The following RTF1 variants were observed in gnomAD, a reference collection of about 807,000 sequenced individuals.
RTF1 encodes the protein RNA polymerase-associated protein RTF1 homolog.
RTF1 carries 10 observed loss-of-function variants against 95.7 expected under a neutral mutation model. That is an observed-to-expected ratio of 0.10 (90% CI 0.06 to 0.18). The LOEUF is 0.18. Among genes scored for constraint, RTF1 ranks in the 10% least tolerant of loss-of-function variants. RTF1 has a pLI of 1.00. For synonymous variants in RTF1, 305 were observed against 311.8 expected (o/e 0.98, Z 0.23); for missense variants, 458 against 875.6 (o/e 0.52, Z 6.02).
chr15:41,474,108 T>C (rs1215244143), intron 8 of RTF1, among the ~76,000 whole-genome samples: 2 of 152,070 alleles, frequency 1.3e-5, no homozygotes, highest in Non-Finnish European at 2.9e-5. Context: ...AATTCCTGGC[T>C]TCAAGTAATC....
chr15:41,475,939 A>G, intron 11 of RTF1, 120 bp downstream of exon 11: 1 of 602,510 alleles, frequency 1.7e-6, no homozygotes, highest in Non-Finnish European at 2.9e-6. Flanking sequence ...ATGAGGGAAT[A>G]CTAATATTAC....
rs2050947672 is a variant in RTF1, at chr15:41,477,470, G to A, written c.1695G>A (p.Gln565=). 6.2e-7 allele frequency: 1 copy of A among 1,614,218 alleles called. No individual in the cohort carries two copies. Among genetic ancestry groups the A allele is most frequent in the Non-Finnish European group, 8.5e-7 (1 of 1,180,048 alleles). Residue 565 remains glutamine (Q), a synonymous_variant, in exon 14 of 18, where the codon CAG becomes CAA. Transcript: ENST00000389629. ...KNISAISYIN[Q]RNREWNIVES... is the part of the protein sequence containing the mutation. Reference sequence around the variant, plus strand: ...TCTTACCCCACAGTTACATCAACCAGCGGAACCGGGAGTGGAACATTGTAG... The same window carrying A: ...TCTTACCCCACAGTTACATCAACCAACGGAACCGGGAGTGGAACATTGTAG...
chr15:41,478,239 A>G (rs966311070), intron 14 of RTF1, among the ~76,000 whole-genome samples: 2 of 152,066 alleles, frequency 1.3e-5, no homozygotes, highest in Non-Finnish European at 2.9e-5. Context: ...TGTCTCTACT[A>G]AAAATACAAA....
At chr15:41,434,136 C>A (rs767366407) in intron 1 of RTF1, among the ~76,000 whole-genome samples, 2 of 147,574 alleles carry the variant, frequency 1.4e-5, no homozygotes, top group East Asian at 3.9e-4. Flanking sequence ...TGAGCCACCA[C>A]GCCTGGCCTT....
intron 2 of RTF1, chr15:41,448,685 CT>C (rs1198756013): frequency 6.6e-6 from 1 of 151,972 alleles, no homozygotes; most frequent in East Asian, 1.9e-4. Context: ...CGCCACTGCA[CT>C]CCAGCTTGGG....
chr15:41,477,591 G>A (rs1566850297), intron 14 of RTF1, 76 bp downstream of exon 14: 1 of 1,389,214 alleles, frequency 7.2e-7, no homozygotes, highest in Non-Finnish European at 1.0e-6. Flanking sequence ...TCTTGCCTAA[G>A]TTTATTTTTT....
intron 1 of RTF1, among the ~76,000 whole-genome samples, chr15:41,418,040 C>CAG (rs2050580748): frequency 6.6e-6 from 1 of 152,182 alleles, no homozygotes; most frequent in Admixed American, 6.5e-5. Context: ...TTGGCCCTTT[C>CAG]ACGCAGCATC....
rs2050754287 is a variant in RTF1 at position 41,445,087 on chromosome 15, A to G, written c.309+6656A>G. The stretch of plus-strand genomic sequence containing the variant: ...GCTGGGACTACAGGCGCCCACCACC[A>G]ATGCCCAGCTAATTTTTTTTTGTAT... On this transcript the variant is annotated intron_variant, in intron 2 of 17. Coordinates refer to ENST00000389629, the MANE Select transcript of RTF1 (RefSeq NM_015138.5). Among the ~76,000 whole-genome samples, 3 of 151,762 alleles carry G rather than the reference A, an allele frequency of 2.0e-5. No individual in the cohort carries two copies. The South Asian group carries it at 6.3e-4, about 32-fold the overall frequency.
intron 2 of RTF1, among the ~76,000 whole-genome samples, chr15:41,448,172 G>C (rs980277753): frequency 6.6e-6 from 1 of 152,078 alleles, no homozygotes; most frequent in East Asian, 1.9e-4. Context: ...AGACAAAAAA[G>C]CATTCAGGAA....
At chr15:41,449,858 A>G (rs2050781536) in intron 2 of RTF1, among the ~76,000 whole-genome samples, 1 of 152,044 alleles carries the variant, frequency 6.6e-6, no homozygotes, top group South Asian at 2.1e-4. Flanking sequence ...GCCTAATATA[A>G]TGAACATTTA....
intron 2 of RTF1, among the ~76,000 whole-genome samples, chr15:41,446,110 T>C (rs915845740): frequency 6.6e-5 from 10 of 152,258 alleles, no homozygotes; most frequent in African/African-American, 2.4e-4. Flanking sequence ...CAAACACATC[T>C]TTTTTGTGGC....
intron 2 of RTF1, among the ~76,000 whole-genome samples, chr15:41,446,562 A>C (rs1362952238): frequency 2.2e-5 from 3 of 134,720 alleles, no homozygotes; most frequent in Non-Finnish European, 4.9e-5. Context: ...CGTCTCAAAA[A>C]AAAAAAATTA....
intron 1 of RTF1, among the ~76,000 whole-genome samples, chr15:41,430,754 A>C (rs1230282479): frequency 2.6e-5 from 4 of 151,952 alleles, no homozygotes; most frequent in Non-Finnish European, 4.4e-5. Context: ...AAACAAACAA[A>C]AAGAATATAA....
chr15:41,464,802 A>AAAAAGAAAG lies in RTF1; in HGVS notation c.711_719dup (p.Glu238_Lys240dup). 1 of 1,573,670 alleles carries AAAAAGAAAG rather than the reference A, an allele frequency of 6.4e-7. No homozygotes were observed. The highest frequency in any genetic ancestry group is 8.6e-7 in the Non-Finnish European group (1 of 1,162,520). On this transcript the variant is annotated inframe_insertion, in exon 5 of 18. Transcript: ENST00000389629. ...AATCAAGAAAAAACTAAAAACAGCC[A>AAAAAGAAAG]AAAAGAAAGAAAAGAAAGAAAAGAA...
rs947565739 is a variant in RTF1, at chr15:41,468,379, G to A, written c.890-1878G>A. On this transcript the variant is annotated intron_variant, in intron 6 of 17. Coordinates refer to ENST00000389629, the MANE Select transcript of RTF1 (RefSeq NM_015138.5). ...GTCGCCCAGGTTGGAGTGCAGTGGC[G>A]CGATCTCGGCTCACTGCAAGCTCCG... Among the ~76,000 whole-genome samples the A allele has an allele frequency of 8.6e-5, 13 of 151,780 alleles. No individual in the cohort carries two copies. The East Asian group carries it at 2.3e-3, about 27-fold the overall frequency.
At chr15:41,466,583 A>G (rs550887788) in intron 6 of RTF1, among the ~76,000 whole-genome samples, 3 of 152,350 alleles carry the variant, frequency 2.0e-5, no homozygotes, top group Admixed American at 6.5e-5. Context: ...AGAAATAACA[A>G]TGAACTCTTT....
chr15:41,437,361 C>T (rs1317916361), intron 1 of RTF1, among the ~76,000 whole-genome samples: 9 of 150,048 alleles, frequency 6.0e-5, no homozygotes, highest in African/African-American at 2.0e-4. Context: ...ATTAGCCGGG[C>T]GTGGTGGTGG....
intron 1 of RTF1, among the ~76,000 whole-genome samples, chr15:41,422,651 T>G (rs376197178): frequency 2.0e-5 from 3 of 152,264 alleles, no homozygotes; most frequent in African/African-American, 7.2e-5. Context: ...ACTGGGATGC[T>G]TTATTTTATA....
At position 41,428,337 on chromosome 15, in the gene RTF1, A is replaced by G. The variant is rs1251240051; in HGVS notation, c.199-9984A>G. Among the ~76,000 whole-genome samples the G allele has an allele frequency of 3.9e-5, 5 of 129,164 alleles. No homozygotes were observed. The Admixed American group carries it at 4.0e-4, about 10-fold the overall frequency. 84.7% of individuals were successfully genotyped at this position (129,164 alleles called of 152,430 possible). A position where few individuals can be genotyped will look rare whatever the true frequency, so the allele number is the denominator to read the frequency against. On this transcript the variant is annotated intron_variant, in intron 1 of 17. Coordinates refer to ENST00000389629, the MANE Select transcript of RTF1 (RefSeq NM_015138.5). The stretch of plus-strand genomic sequence containing the variant: ...GGCTGGAGTGCAATGACGTGATCTC[A>G]GCTCACTGCAAGCTCTGCCTCCTGG...
Sources: gnomAD v4.1 joint callset for allele counts (sites outside exome capture counted in the v4.1 genomes callset) on GRCh38, gnomAD v4.1.1 for gene constraint, MANE v1.5 for transcripts, NCBI Gene and HGNC (gene_info 2026-07-23, HGNC 2026-07-21) for gene names.